PPHLN1: variants seen among roughly 807,000 people sequenced by gnomAD.
PPHLN1 encodes the protein periphilin 1, also known as periphilin-1.
A neutral mutation model predicts 51.3 loss-of-function variants in PPHLN1; 29 were observed. The ratio of observed to expected loss-of-function variants is 0.57; its 90% CI spans 0.42 to 0.77. The LOEUF is 0.77. Among genes scored for constraint, PPHLN1 ranks in the 30% least tolerant of loss-of-function variants. The probability of loss-of-function intolerance (pLI) is 0.00; values close to 1 mark genes in which losing one functional copy is unlikely to be tolerated. For synonymous variants in PPHLN1, 147 were observed against 147.8 expected (o/e 0.99, Z 0.04); for missense variants, 436 against 438.4 (o/e 0.99, Z 0.05).
chr12:42,328,719 T>C (rs915547191), intron 1 of PPHLN1, among the ~76,000 whole-genome samples: 1 of 152,222 alleles, frequency 6.6e-6, no homozygotes, highest in Non-Finnish European at 1.5e-5. Flanking sequence ...TTTTATTTTT[T>C]TATTTTTTGA....
At chr12:42,396,224 G>C (rs1455675571) in intron 8 of PPHLN1, among the ~76,000 whole-genome samples, 1 of 152,110 alleles carries the variant, frequency 6.6e-6, no homozygotes, top group Non-Finnish European at 1.5e-5. Flanking sequence ...TAATAAAAGA[G>C]TTTGCATAAT....
intron 9 of PPHLN1, among the ~76,000 whole-genome samples, chr12:42,412,304 T>C (rs2079942777): frequency 6.6e-6 from 1 of 152,188 alleles, no homozygotes; most frequent in Non-Finnish European, 1.5e-5. Context: ...TGCCTTCGCA[T>C]ACTCAATAGC....
intron 9 of PPHLN1, chr12:42,431,702 G>A: frequency 9.0e-7 from 1 of 1,113,410 alleles, no homozygotes; most frequent in Non-Finnish European, 1.4e-6. Flanking sequence ...CTTCTTGACT[G>A]TTTTCTTCTT....
At position 42,358,888 on chromosome 12, in the gene PPHLN1, G is replaced by A. The variant is rs1592369862; in HGVS notation, c.299+3666G>A. ...CTAGAAGCAGAATTTCTGGGTCAGT[G>A]GGTATATATATGTATTTTAAATATT... On this transcript the variant is annotated intron_variant, in intron 4 of 9. Coordinates refer to ENST00000358314, the MANE Select transcript of PPHLN1 (RefSeq NM_201439.2). 3.3e-5 allele frequency among the ~76,000 whole-genome samples: 5 copies of A among 152,100 alleles called. No homozygotes were observed. In the South Asian group the frequency reaches 1.0e-3, roughly 32 times the overall value.
chr12:42,345,124 T>C (rs1043158979), intron 2 of PPHLN1, among the ~76,000 whole-genome samples: 2 of 152,174 alleles, frequency 1.3e-5, no homozygotes, highest in African/African-American at 4.8e-5. Context: ...TTGGAATGTA[T>C]GGCAAATTAA....
intron 7 of PPHLN1, among the ~76,000 whole-genome samples, chr12:42,388,753 C>T (rs543629213): frequency 2.0e-5 from 3 of 152,138 alleles, no homozygotes; most frequent in South Asian, 4.1e-4. Context: ...TCACAACTAG[C>T]CTTGGTAACG....
intron 4 of PPHLN1, among the ~76,000 whole-genome samples, chr12:42,363,689 G>A (rs1428187389): frequency 6.6e-6 from 1 of 151,924 alleles, no homozygotes; most frequent in African/African-American, 2.4e-5. Flanking sequence ...TCATATTTGG[G>A]CATGCCTGGT....
intron 9 of PPHLN1, among the ~76,000 whole-genome samples, chr12:42,413,520 A>ATGTG (rs1488724259): frequency 4.7e-5 from 6 of 128,126 alleles, no homozygotes; most frequent in South Asian, 2.5e-4. Context: ...AACTATATAT[A>ATGTG]TGTATATGTG....
chr12:42,385,133 G>GT (rs2077088145), intron 6 of PPHLN1, 137 bp downstream of exon 6: 2 of 897,246 alleles, frequency 2.2e-6, no homozygotes, highest in Non-Finnish European at 3.4e-6. Context: ...GTAGACCTAG[G>GT]TACTAGGATT....
chr12:42,351,790 G>A (rs1160553256), intron 2 of PPHLN1, 95 bp from the exon 3 acceptor site: 8 of 979,000 alleles, frequency 8.2e-6, no homozygotes, highest in African/African-American at 1.7e-5. Context: ...TAGCTCATTC[G>A]ATTAAGGGTA....
chr12:42,445,988 C>T, downstream of PPHLN1: 1 of 1,514,664 alleles, frequency 6.6e-7, no homozygotes, highest in Non-Finnish European at 8.9e-7. Context: ...CTTTGGATTC[C>T]AGCACGACGC....
chr12:42,432,825 C>A (rs952184636), intron 9 of PPHLN1, among the ~76,000 whole-genome samples: 1 of 152,226 alleles, frequency 6.6e-6, no homozygotes, highest in African/African-American at 2.4e-5. Flanking sequence ...GTGATCTCTT[C>A]ATTTCTGGTC....
At chr12:42,442,558 T>TGC, downstream of PPHLN1, 1 of 1,575,890 alleles carries the variant, frequency 6.3e-7, no homozygotes, top group Non-Finnish European at 8.6e-7. Flanking sequence ...TCTTTTGGGC[T>TGC]GCGCTAAAGC....
intron 9 of PPHLN1, among the ~76,000 whole-genome samples, chr12:42,429,944 G>GA (rs1464849496): frequency 6.6e-6 from 1 of 152,134 alleles, no homozygotes; most frequent in East Asian, 1.9e-4. Flanking sequence ...GATGTAATAA[G>GA]AAATATATAT....
At chr12:42,436,611 C>T (rs2082509202) in intron 9 of PPHLN1, among the ~76,000 whole-genome samples, 1 of 152,168 alleles carries the variant, frequency 6.6e-6, no homozygotes, top group Non-Finnish European at 1.5e-5. Flanking sequence ...ATAATATCCC[C>T]CCCTTATCCT....
intron 4 of PPHLN1, among the ~76,000 whole-genome samples, chr12:42,358,163 C>T (rs1259599846): frequency 6.6e-6 from 1 of 151,988 alleles, no homozygotes; most frequent in Non-Finnish European, 1.5e-5. Flanking sequence ...ATATCTTTCC[C>T]ATTGTGATTT....
chr12:42,370,305 T>G (rs2075685001), intron 4 of PPHLN1, among the ~76,000 whole-genome samples: 1 of 152,204 alleles, frequency 6.6e-6, no homozygotes, highest in Admixed American at 6.5e-5. Flanking sequence ...TCTATGGACG[T>G]ACATTTTGAG....
At chr12:42,393,160 G>A (rs2077884879) in intron 7 of PPHLN1, among the ~76,000 whole-genome samples, 1 of 152,176 alleles carries the variant, frequency 6.6e-6, no homozygotes, top group Non-Finnish European at 1.5e-5. Flanking sequence ...TAGCATATCT[G>A]TACGTTTCTG....
intron 2 of PPHLN1, among the ~76,000 whole-genome samples, chr12:42,340,119 C>A (rs1021762950): frequency 1.3e-5 from 2 of 151,982 alleles, no homozygotes; most frequent in African/African-American, 4.8e-5. Flanking sequence ...CCAGCCTGGG[C>A]AACAATGTGA....
Sources: gnomAD v4.1 joint callset for allele counts (sites outside exome capture counted in the v4.1 genomes callset) on GRCh38, gnomAD v4.1.1 for gene constraint, MANE v1.5 for transcripts, NCBI Gene and HGNC (gene_info 2026-07-23, HGNC 2026-07-21) for gene names.